The following SPSB1 variants were observed in gnomAD, a reference collection of about 807,000 sequenced individuals.
The protein encoded by SPSB1 is SPRY domain-containing SOCS box protein 1.
A neutral mutation model predicts 21.2 loss-of-function variants in SPSB1; 8 were observed. That is an observed-to-expected ratio of 0.38 (90% CI 0.22 to 0.68). The LOEUF is 0.68. Ranked by LOEUF, SPSB1 falls within the 30% of genes least tolerant of loss-of-function variation. The probability of loss-of-function intolerance (pLI) is 0.53; values close to 1 mark genes in which losing one functional copy is unlikely to be tolerated. For synonymous variants in SPSB1, 169 were observed against 161.7 expected (o/e 1.05, Z -0.34); for missense variants, 242 against 377.8 (o/e 0.64, Z 2.98).
chr1:9,365,692 C>T (rs980288450), intron 2 of SPSB1, among the ~76,000 whole-genome samples: 11 of 152,154 alleles, frequency 7.2e-5, no homozygotes, highest in Non-Finnish European at 1.3e-4. Flanking sequence ...AATTGATTTT[C>T]GTATATTTGA....
At chr1:9,295,210 G>A (rs1440021250) in intron 1 of SPSB1, among the ~76,000 whole-genome samples, 1 of 83,350 alleles carries the variant, frequency 1.2e-5, no homozygotes, top group Non-Finnish European at 2.5e-5. Flanking sequence ...GTGTGTGTGA[G>A]AGTGTGAGTG....
chr1:9,327,454 C>T (rs1639835098), intron 1 of SPSB1, among the ~76,000 whole-genome samples: 2 of 151,928 alleles, frequency 1.3e-5, no homozygotes, highest in Non-Finnish European at 2.9e-5. Context: ...GGGGTGTCAT[C>T]GGGGGTCCAG....
chr1:9,339,739 A>G (rs1014482417), intron 1 of SPSB1, among the ~76,000 whole-genome samples: 1 of 152,032 alleles, frequency 6.6e-6, no homozygotes, highest in African/African-American at 2.4e-5. Context: ...CCAGACCCCG[A>G]GTGACTGATG....
At chr1:9,340,708 GA>G (rs1281224668) in intron 1 of SPSB1, among the ~76,000 whole-genome samples, 2 of 152,264 alleles carry the variant, frequency 1.3e-5, no homozygotes. Context: ...AGGGGCGTGG[GA>G]TGCACCCGTC....
At chr1:9,318,595 G>C (rs1188555518) in intron 1 of SPSB1, among the ~76,000 whole-genome samples, 1 of 152,224 alleles carries the variant, frequency 6.6e-6, no homozygotes, top group Non-Finnish European at 1.5e-5. Flanking sequence ...TTCCACATCT[G>C]TAAGAATGGG....
At chr1:9,365,421 C>T (rs1640552473) in intron 2 of SPSB1, among the ~76,000 whole-genome samples, 1 of 152,166 alleles carries the variant, frequency 6.6e-6, no homozygotes, top group African/African-American at 2.4e-5. Flanking sequence ...CTGACCTGGT[C>T]CCTCTTCTTT....
chr1:9,352,663 C>T (rs974405960), intron 1 of SPSB1, among the ~76,000 whole-genome samples: 90 of 152,088 alleles, frequency 5.9e-4, no homozygotes, highest in African/African-American at 2.1e-3. Flanking sequence ...TCTGCCTCCC[C>T]CTCCTTCCCC....
At chr1:9,328,552 T>C (rs1639857736) in intron 1 of SPSB1, among the ~76,000 whole-genome samples, 1 of 152,202 alleles carries the variant, frequency 6.6e-6, no homozygotes. Flanking sequence ...AAACAGGGAC[T>C]CTAAGGCCCA....
At chr1:9,302,775 C>T (rs1639355783) in intron 1 of SPSB1, among the ~76,000 whole-genome samples, 1 of 152,144 alleles carries the variant, frequency 6.6e-6, no homozygotes, top group African/African-American at 2.4e-5. Flanking sequence ...CTTCAAAAGG[C>T]TCTATGTACT....
chr1:9,310,387 T>A (rs1639497395), intron 1 of SPSB1, among the ~76,000 whole-genome samples: 1 of 152,164 alleles, frequency 6.6e-6, no homozygotes. Flanking sequence ...GATGAGCTCC[T>A]GGATAGATCA....
intron 1 of SPSB1, among the ~76,000 whole-genome samples, chr1:9,323,591 A>G (rs909759793): frequency 6.6e-6 from 1 of 152,176 alleles, no homozygotes; most frequent in Non-Finnish European, 1.5e-5. Context: ...TGGAATCCAG[A>G]TGTAAACAAA....
At chr1:9,309,728 A>C (rs1639486448) in intron 1 of SPSB1, among the ~76,000 whole-genome samples, 1 of 152,156 alleles carries the variant, frequency 6.6e-6, no homozygotes, top group Non-Finnish European at 1.5e-5. Flanking sequence ...CCATAATCCC[A>C]CTACTTGGGA....
chr1:9,352,013 C>T (rs528698330), intron 1 of SPSB1, among the ~76,000 whole-genome samples: 14 of 152,334 alleles, frequency 9.2e-5, no homozygotes, highest in Admixed American at 3.3e-4. Context: ...CTCCCTCCTC[C>T]CAGGCCCTCC....
chr1:9,338,523 T>C (rs114913417), intron 1 of SPSB1, among the ~76,000 whole-genome samples: 5,593 of 152,364 alleles, frequency 0.037, 144 homozygotes, highest in Non-Finnish European at 0.054. Flanking sequence ...GCCACTCTCT[T>C]GCCAGCTCCG....
At chr1:9,347,913 T>C (rs1026602052) in intron 1 of SPSB1, among the ~76,000 whole-genome samples, 4 of 151,002 alleles carry the variant, frequency 2.6e-5, no homozygotes, top group East Asian at 3.9e-4. Flanking sequence ...GGAGTGTCCT[T>C]TCCCCACCTT....
intron 2 of SPSB1, among the ~76,000 whole-genome samples, chr1:9,362,401 T>A (rs759601207): frequency 3.9e-5 from 6 of 152,250 alleles, no homozygotes; most frequent in Non-Finnish European, 7.3e-5. Flanking sequence ...CTGTGCTCTT[T>A]CGTAAGAACT....
At chr1:9,331,012 C>G (rs1244325804) in intron 1 of SPSB1, among the ~76,000 whole-genome samples, 1 of 152,132 alleles carries the variant, frequency 6.6e-6, no homozygotes. Context: ...TTCCATACCT[C>G]CCTGCCTGCA....
intron 1 of SPSB1, among the ~76,000 whole-genome samples, chr1:9,298,140 A>ACTTG (rs1205642196): frequency 6.6e-6 from 1 of 151,822 alleles, no homozygotes; most frequent in Non-Finnish European, 1.5e-5. Flanking sequence ...ATGGCATTGG[A>ACTTG]TAGTTAATCA....
At chr1:9,313,615 G>A (rs2100473650) in intron 1 of SPSB1, among the ~76,000 whole-genome samples, 1 of 152,238 alleles carries the variant, frequency 6.6e-6, no homozygotes, top group Non-Finnish European at 1.5e-5. Context: ...AGAAATTTCT[G>A]ATGGAGAGAA....
Sources: allele counts gnomAD v4.1 joint callset (sites outside exome capture counted in the v4.1 genomes callset), GRCh38; gene constraint gnomAD v4.1.1; transcripts MANE v1.5; gene names NCBI Gene and HGNC (gene_info 2026-07-23, HGNC 2026-07-21).